The following HIF3A variants were observed in gnomAD, a reference collection of about 807,000 sequenced individuals.
HIF3A encodes the protein hypoxia-inducible factor 3-alpha.
A neutral mutation model predicts 67.2 loss-of-function variants in HIF3A; 41 were observed. The observed-to-expected ratio is 0.61, with a 90% CI of 0.48 to 0.79. The LOEUF (loss-of-function observed/expected upper bound fraction) is 0.79. HIF3A is among the 30% of genes least tolerant of loss of function. HIF3A has a pLI of 0.00. For synonymous variants in HIF3A, 356 were observed against 374.8 expected, an observed-to-expected ratio of 0.95 and a Z score of 0.58; for missense variants, 855 against 898.0, an observed-to-expected ratio of 0.95 and a Z score of 0.61.
chr19:46,325,323 T>C (rs1970700134), intron 10 of HIF3A, among the ~76,000 whole-genome samples: 1 of 151,950 alleles, frequency 6.6e-6, no homozygotes, highest in Non-Finnish European at 1.5e-5. Context: ...AACTGGAACT[T>C]CCATGTTTGC....
chr19:46,304,968 G>A (rs1968703451), intron 2 of HIF3A: 1 of 516,980 alleles, frequency 1.9e-6, no homozygotes, highest in African/African-American at 1.9e-5. Flanking sequence ...TGTCCTCCTA[G>A]GAGGCCCACC....
In HIF3A at chr19:46,339,677, C is replaced by A; in HGVS notation, c.*55C>A. ...TCCCCCAGAAAGGACCTCAACCACA[C>A]TCCACGCCGGCAGCCAACGCACAGG... On this transcript the variant is annotated 3_prime_UTR_variant, in exon 15 of 15. Transcript: ENST00000377670. 2 of 1,325,794 alleles carry A rather than the reference C, an allele frequency of 1.5e-6. No individual in the cohort carries two copies. Among genetic ancestry groups the A allele is most frequent in the Non-Finnish European group, 2.1e-6 (2 of 955,598 alleles). 82.1% of individuals were successfully genotyped at this position (1,325,794 alleles called of 1,614,324 possible).
At chr19:46,299,101 G>T (rs374145689) in intron 1 of HIF3A, among the ~76,000 whole-genome samples, 5 of 152,342 alleles carry the variant, frequency 3.3e-5, no homozygotes, top group African/African-American at 1.2e-4. Context: ...CCAGGCCCTG[G>T]CCCCACCCCC....
intron 1 of HIF3A, chr19:46,298,363 G>GCC: frequency 1.6e-6 from 2 of 1,256,676 alleles, no homozygotes; most frequent in Non-Finnish European, 2.1e-6. Flanking sequence ...GAGCTCGGGT[G>GCC]CCCCCCCTCC....
At chr19:46,298,600 TG>T in intron 1 of HIF3A, 1 of 1,038,588 alleles carries the variant, frequency 9.6e-7, no homozygotes, top group South Asian at 1.6e-5. Context: ...AGGATGCTCT[TG>T]GGAAGTCCCT....
At chr19:46,310,611 A>C (rs1162764813) in intron 6 of HIF3A, 1 of 455,980 alleles carries the variant, frequency 2.2e-6, no homozygotes, top group East Asian at 7.0e-5. Context: ...AAATGACTTC[A>C]CCTCTCTGTG....
chr19:46,301,683 G>A lies in HIF3A; in HGVS notation c.27-2215G>A, dbSNP rs143819499. 3.6e-3 allele frequency among the ~76,000 whole-genome samples: 551 copies of A among 151,996 alleles called. 7 individuals are homozygous for A. The highest frequency in any genetic ancestry group is 0.012 in the African/African-American group (504 of 41,462). On this transcript the variant is annotated intron_variant, in intron 1 of 14. Coordinates refer to ENST00000377670, the MANE Select transcript of HIF3A (RefSeq NM_152795.4). ...TCTACTAAAAATACAAAAATTAGCC[G>A]GGCGTGGTGGCAGATGTCTGTAATC... is the stretch of plus-strand genomic sequence containing the variant.
chr19:46,336,015 T>G (rs1971582379), intron 14 of HIF3A, among the ~76,000 whole-genome samples: 1 of 151,062 alleles, frequency 6.6e-6, no homozygotes, highest in South Asian at 2.1e-4. Flanking sequence ...TACTCCAACC[T>G]GCGTGACAGG....
chr19:46,330,125 C>T (rs924858121), intron 12 of HIF3A, among the ~76,000 whole-genome samples: 9 of 152,008 alleles, frequency 5.9e-5, no homozygotes, highest in African/African-American at 1.7e-4. Flanking sequence ...GTGCTCATTT[C>T]GAATCCAGAG....
chr19:46,304,289 G>A, intron 2 of HIF3A: 1 of 594,002 alleles, frequency 1.7e-6, no homozygotes, highest in East Asian at 2.8e-5. Context: ...CTGGCCTGCT[G>A]GGAGTCCCGC....
intron 1 of HIF3A, among the ~76,000 whole-genome samples, chr19:46,301,630 A>G (rs1453025080): frequency 3.3e-5 from 5 of 152,112 alleles, no homozygotes; most frequent in Non-Finnish European, 5.9e-5. Context: ...GTTCGAGAGC[A>G]GCCTGGCCAA....
chr19:46,332,459 G>C (rs546079947), intron 13 of HIF3A, among the ~76,000 whole-genome samples: 1 of 152,258 alleles, frequency 6.6e-6, no homozygotes, highest in Non-Finnish European at 1.5e-5. Context: ...AGCATCACCC[G>C]AGCCTGGGAG....
In HIF3A at chr19:46,308,738, G is replaced by T. The variant is rs537314246; in HGVS notation, c.524G>T (p.Arg175Leu). 3 of 1,610,006 alleles carry T rather than the reference G, an allele frequency of 1.9e-6. No homozygotes were observed. The highest frequency in any genetic ancestry group is 1.3e-5 in the African/African-American group (1 of 74,888). ...SLRMKSTLTS[R>L]GRTLNLKAAT... ...CGCATGAAGAGTACACTCACCAGCCGCGGGCGCACCCTCAACCTCAAGGCG... is the reference window on the plus strand; with the variant it reads ...CGCATGAAGAGTACACTCACCAGCCTCGGGCGCACCCTCAACCTCAAGGCG... The change falls in exon 5 of 15, where the codon CGC becomes CTC. Residue 175 changes from arginine to leucine, a missense_variant. Transcript: ENST00000377670.
chr19:46,333,018 A>T (rs937765944), intron 13 of HIF3A, among the ~76,000 whole-genome samples: 2 of 151,198 alleles, frequency 1.3e-5, no homozygotes, highest in African/African-American at 4.9e-5. Flanking sequence ...CTATATATAT[A>T]TATGTATATA....
Position 46,329,242 on chromosome 19 carries a change from C to G in HIF3A, c.1476C>G (p.Pro492=). ...ADALDLEMLA[P]YISMDDDFQL... is the part of the protein sequence containing the mutation. ...CTCTGGATTTGGAGATGCTGGCCCC[C>G]TACATCTCCATGGATGATGACTTCC... The change falls in exon 12 of 15, where the codon CCC becomes CCG. Residue 492 remains proline, a synonymous_variant. Transcript: ENST00000377670. 6.2e-7 allele frequency: 1 copy of G among 1,612,200 alleles called. No individual in the cohort carries two copies. Among genetic ancestry groups the G allele is most frequent in the Non-Finnish European group, 8.5e-7 (1 of 1,179,260 alleles).
intron 3 of HIF3A, among the ~76,000 whole-genome samples, chr19:46,307,999 C>CAGACAGACAGAT (rs1555778658): frequency 6.1e-4 from 30 of 49,380 alleles, no homozygotes; most frequent in Non-Finnish European, 1.3e-3. Context: ...GACAGACAGA[C>CAGACAGACAGAT]AGATAGATAG....
intron 1 of HIF3A, among the ~76,000 whole-genome samples, chr19:46,301,344 C>T (rs1278574033): frequency 2.6e-5 from 4 of 152,176 alleles, no homozygotes; most frequent in African/African-American, 7.2e-5. Flanking sequence ...TAAGAAGGGA[C>T]AGTGTCCCCT....
In HIF3A at chr19:46,339,691, C is replaced by A; in HGVS notation, c.*69C>A. ...CCTCAACCACACTCCACGCCGGCAG[C>A]CAACGCACAGGATGGGGGCGCCAGG... On this transcript the variant is annotated 3_prime_UTR_variant, in exon 15 of 15. Coordinates refer to ENST00000377670, the MANE Select transcript of HIF3A (RefSeq NM_152795.4). The A allele has an allele frequency of 8.5e-7, 1 of 1,183,112 alleles. No homozygotes were observed. Among genetic ancestry groups the A allele is most frequent in the Non-Finnish European group, 1.2e-6 (1 of 838,318 alleles). The allele number at this position is 1,183,112 out of a possible 1,614,324, so 73.3% of individuals were successfully genotyped here.
At chr19:46,322,363 T>G (rs998452563) in intron 10 of HIF3A, among the ~76,000 whole-genome samples, 11 of 152,216 alleles carry the variant, frequency 7.2e-5, no homozygotes, top group African/African-American at 2.2e-4. Context: ...ATTTCACAGG[T>G]TGGGCCTCAG....
Sources: gnomAD v4.1 joint callset for allele counts (sites outside exome capture counted in the v4.1 genomes callset) on GRCh38, gnomAD v4.1.1 for gene constraint, MANE v1.5 for transcripts, NCBI Gene and HGNC (gene_info 2026-07-23, HGNC 2026-07-21) for gene names.